Variants in PLXND1 observed in about 807,000 individuals in gnomAD.
The protein encoded by PLXND1 is plexin D1.
PLXND1 carries 54 observed loss-of-function variants against 197.7 expected under a neutral mutation model. That is an observed-to-expected ratio of 0.27 (90% CI 0.22 to 0.34). The LOEUF (loss-of-function observed/expected upper bound fraction) is 0.34, where lower values mean the gene tolerates loss of function less well. Ranked by LOEUF, PLXND1 falls within the 10% of genes least tolerant of loss-of-function variation. The pLI, the probability that PLXND1 is intolerant of heterozygous loss-of-function variation, is 1.00. For synonymous variants in PLXND1, 1,180 were observed against 1,161.2 expected (o/e 1.02, Z -0.33); for missense variants, 2,127 against 2,699.2 (o/e 0.79, Z 4.70).
Position 129,584,471 on chromosome 3 carries a change from C to T in PLXND1, c.1943G>A (p.Arg648Gln), listed in dbSNP as rs764450672. 4.3e-5 allele frequency: 69 copies of T among 1,612,568 alleles called. 1 individual carries two copies. Among genetic ancestry groups the T allele is most frequent in the Middle Eastern group, 1.7e-4 (1 of 6,054 alleles). Residue 648 changes from arginine (R) to glutamine (Q), a missense_variant, in exon 6 of 36, where the codon CGG (arginine) becomes CAG (glutamine). Arg to Gln is a conservative substitution (Grantham distance 43). Transcript: ENST00000324093. Reference protein sequence around the residue: ...DYGNNIRTVARVPGPAFGHQI... With the variant: ...DYGNNIRTVAQVPGPAFGHQI... ...GTGACCAAAGGCAGGGCCTGGGACCCGAGCCACAGTGCGGATGTTGTTCCC... is the reference window on the plus strand; with the variant it reads ...GTGACCAAAGGCAGGGCCTGGGACCTGAGCCACAGTGCGGATGTTGTTCCC...
chr3:129,588,773 C>G (rs1418542527), intron 2 of PLXND1, among the ~76,000 whole-genome samples: 1 of 152,248 alleles, frequency 6.6e-6, no homozygotes, highest in Non-Finnish European at 1.5e-5. Context: ...CCATGTCTGT[C>G]CTGCCCCAGA....
At chr3:129,573,459 G>T in intron 13 of PLXND1, 135 bp downstream of exon 13, 1 of 883,680 alleles carries the variant, frequency 1.1e-6, no homozygotes, top group Non-Finnish European at 1.7e-6. Context: ...TTCGGCACAG[G>T]CCTGGAGGCC....
intron 12 of PLXND1, 68 bp downstream of exon 12, chr3:129,574,268 C>A: frequency 7.0e-7 from 1 of 1,437,452 alleles, no homozygotes; most frequent in Non-Finnish European, 9.3e-7. Flanking sequence ...GAAGTGGGAC[C>A]CTCGAGGGCA....
rs143824934 is a variant in PLXND1, at chr3:129,556,708, TGGGGAG to T, written c.5587-23_5587-18del. ...CTGGTATTTCTATAAGGAGGCAGGA[TGGGGAG>T]GAGGTTAGCCCAGCGGTCAAAGCTG... On this transcript the variant is annotated intron_variant, in intron 34 of 35. Coordinates refer to ENST00000324093, the MANE Select transcript of PLXND1 (RefSeq NM_015103.3). 20,341 of 1,592,168 alleles carry T rather than the reference TGGGGAG, an allele frequency of 0.013. 173 individuals carry two copies. The highest frequency in any genetic ancestry group is 0.015 in the Non-Finnish European group (17,471 of 1,161,838).
In PLXND1 at chr3:129,605,744, A is replaced by C. The variant is rs1159879952; in HGVS notation, c.896T>G (p.Leu299Arg). The change falls in exon 1 of 36, where the codon CTG (leucine) becomes CGG (arginine). Residue 299 changes from leucine (L) to arginine (R), a missense_variant. By Grantham distance (102) the Leu-to-Arg change is moderately radical. Around this residue, in one of 6 missense-constraint regions of PLXND1, gnomAD observed 1,095 missense variants for 1,259.8 expected, o/e 0.87. Transcript: ENST00000324093. ...PPPGAQSYAY[L>R]ALNSEARAGD... is the part of the protein sequence containing the mutation. The stretch of plus-strand genomic sequence containing the variant: ...CGCGCGCGCCTCGCTGTTGAGCGCC[A>C]GGTACGCGTAGGACTGTGCACCCGG... The C allele has an allele frequency of 6.4e-7, 1 of 1,550,672 alleles. No individual in the cohort carries two copies. Among genetic ancestry groups the C allele is most frequent in the Admixed American group, 2.0e-5 (1 of 51,242 alleles).
intron 1 of PLXND1, among the ~76,000 whole-genome samples, chr3:129,593,170 G>C (rs533469239): frequency 1.3e-5 from 2 of 152,098 alleles, no homozygotes; most frequent in African/African-American, 4.8e-5. Context: ...CCCAGCTCCT[G>C]GCTGTCCTCG....
Position 129,557,545 on chromosome 3 carries a change from A to C in PLXND1, c.5446-322T>G, listed in dbSNP as rs1270542760. Among the ~76,000 whole-genome samples, 1 of 151,888 alleles carries C rather than the reference A, an allele frequency of 6.6e-6. No individual in the cohort carries two copies. Among genetic ancestry groups the C allele is most frequent in the Non-Finnish European group, 1.5e-5 (1 of 67,964 alleles). On this transcript the variant is annotated intron_variant, in intron 33 of 35. Coordinates refer to ENST00000324093, the MANE Select transcript of PLXND1 (RefSeq NM_015103.3). This position sits in a 1 kb window ranked among gnomAD's most constrained non-coding sequence, Gnocchi z 4.8. ...CTGCACGCAGCCCATTCCACGTAAC[A>C]AGGATGTGTCCTTCTCAGGGTGATA...
At chr3:129,599,172 G>C (rs80115722) in intron 1 of PLXND1, among the ~76,000 whole-genome samples, 5 of 152,332 alleles carry the variant, frequency 3.3e-5, no homozygotes, top group East Asian at 3.9e-4. Context: ...GCAGCAACCA[G>C]GACATGGAAC....
intron 2 of PLXND1, among the ~76,000 whole-genome samples, chr3:129,588,492 C>A (rs977145449): frequency 6.6e-6 from 1 of 152,184 alleles, no homozygotes; most frequent in African/African-American, 2.4e-5. Context: ...GACCCCAAAC[C>A]ACGAGCCCCA....
chr3:129,594,014 G>C (rs940691407), intron 1 of PLXND1, among the ~76,000 whole-genome samples: 2 of 152,206 alleles, frequency 1.3e-5, no homozygotes, highest in Non-Finnish European at 2.9e-5. Flanking sequence ...AAGCCAGTTG[G>C]AAGGAGCGCT....
At chr3:129,588,243 G>A (rs539611784) in intron 2 of PLXND1, among the ~76,000 whole-genome samples, 1 of 152,306 alleles carries the variant, frequency 6.6e-6, no homozygotes, top group Non-Finnish European at 1.5e-5. Context: ...TCTCATCTGT[G>A]GCATGAGAAT....
rs780392506 is a variant in PLXND1 at position 129,559,741 on chromosome 3, G to C, written c.5176C>G (p.Leu1726Val). The change falls in exon 32 of 36, where the codon CTG becomes GTG. Residue 1726 changes from leucine to valine, a missense_variant. This residue lies in a region of PLXND1 where 200 missense variants were observed against 303.3 expected (regional missense o/e 0.66). Transcript: ENST00000324093. Reference sequence around the variant, plus strand: ...GGGGGCTTGTCTTCACGGATACTCAGAATGGCCTTGAACAGGTCATCCAGA... The same window carrying C: ...GGGGGCTTGTCTTCACGGATACTCACAATGGCCTTGAACAGGTCATCCAGA... ...KFLDDLFKAILSIREDKPPLA... is the reference protein window; with the variant it reads ...KFLDDLFKAIVSIREDKPPLA... The C allele has an allele frequency of 2.5e-6, 4 of 1,612,646 alleles. No individual in the cohort carries two copies. The highest frequency in any genetic ancestry group is 3.4e-6 in the Non-Finnish European group (4 of 1,179,590).
At chr3:129,594,794 T>C (rs973287294) in intron 1 of PLXND1, among the ~76,000 whole-genome samples, 1 of 152,078 alleles carries the variant, frequency 6.6e-6, no homozygotes, top group African/African-American at 2.4e-5. Context: ...GGGACGGGTA[T>C]ACAGGAACTG....
intron 1 of PLXND1, among the ~76,000 whole-genome samples, chr3:129,605,098 C>T (rs1296056772): frequency 6.6e-6 from 1 of 152,196 alleles, no homozygotes; most frequent in Non-Finnish European, 1.5e-5. Flanking sequence ...GCCCATGAGC[C>T]GGCACTCACT....
chr3:129,597,732 T>C (rs1419721243), intron 1 of PLXND1, among the ~76,000 whole-genome samples: 1 of 152,162 alleles, frequency 6.6e-6, no homozygotes, highest in Non-Finnish European at 1.5e-5. Flanking sequence ...GATGCCTGTC[T>C]GGGCGGTCTG....
In PLXND1 at chr3:129,606,257, A is replaced by G; in HGVS notation, c.383T>C (p.Leu128Pro). 1 of 1,570,964 alleles carries G rather than the reference A, an allele frequency of 6.4e-7. No homozygotes were observed. ...CAGGCCCTGGCCGGGGTCCAGCTGC[A>G]GGATCTTGTTGTAGTTGTCCGTGAG... ...RRLTDNYNKILQLDPGQGLVV... is the reference protein window; with the variant it reads ...RRLTDNYNKIPQLDPGQGLVV... The change falls in exon 1 of 36, where the codon CTG becomes CCG. Residue 128 changes from leucine (L) to proline (P), a missense_variant. Physicochemically the swap from Leu to Pro is moderately conservative, Grantham distance 98. This residue lies in a region of PLXND1 where 245 missense variants were observed against 267.1 expected (regional missense o/e 0.92). Coordinates refer to ENST00000324093, the MANE Select transcript of PLXND1 (RefSeq NM_015103.3).
chr3:129,564,731 CAGA>C (rs2085112791), intron 25 of PLXND1, among the ~76,000 whole-genome samples: 5 of 152,360 alleles, frequency 3.3e-5, no homozygotes, highest in Middle Eastern at 6.8e-3. Context: ...CGCTCTCATC[CAGA>C]AGATTCTTTG....
rs370213668 is a variant in PLXND1 at position 129,555,495 on chromosome 3, C to T, written c.*817G>A. ...CCCCTCCCCGGGTCCTCTGCGCAAGCGGCAGCTATTCACAGTTGGTGCATG... is the reference window on the plus strand; with the variant it reads ...CCCCTCCCCGGGTCCTCTGCGCAAGTGGCAGCTATTCACAGTTGGTGCATG... On this transcript the variant is annotated 3_prime_UTR_variant, in exon 36 of 36. Transcript: ENST00000324093. 4 of 679,120 alleles carry T rather than the reference C, an allele frequency of 5.9e-6. No homozygotes were observed. The highest frequency in any genetic ancestry group is 2.4e-5 in the Admixed American group (1 of 42,362). The allele number at this position is 679,120 out of a possible 1,614,324, so 42.1% of individuals were successfully genotyped here.
At chr3:129,602,451 C>T (rs1359324924) in intron 1 of PLXND1, among the ~76,000 whole-genome samples, 1 of 152,246 alleles carries the variant, frequency 6.6e-6, no homozygotes, top group Non-Finnish European at 1.5e-5. Flanking sequence ...CTCCGCTGGG[C>T]TCCCTCCACC....
Sources: gnomAD v4.1 joint callset for allele counts (sites outside exome capture counted in the v4.1 genomes callset) on GRCh38, gnomAD v4.1.1 for gene constraint, gnomAD v4.1.1 regional missense constraint, Gnocchi (gnomAD v3.1) non-coding constraint, MANE v1.5 for transcripts, NCBI Gene and HGNC (gene_info 2026-07-23, HGNC 2026-07-21) for gene names.